The following SLC5A10 variants were observed in gnomAD, a reference collection of about 807,000 sequenced individuals.
SLC5A10 encodes solute carrier family 5 member 10.
A neutral mutation model predicts 68.9 loss-of-function variants in SLC5A10; 55 were observed. That is an observed-to-expected ratio of 0.80 (90% confidence interval 0.64 to 1.00). SLC5A10 has a LOEUF of 1.00. Ranked by LOEUF, SLC5A10 falls within the 50% of genes least tolerant of loss-of-function variation. SLC5A10 has a pLI of 0.00. For synonymous variants in SLC5A10, 344 were observed against 344.8 expected (o/e 1.00, Z 0.02); for missense variants, 732 against 819.3 (o/e 0.89, Z 1.30).
At chr17:18,997,666 C>G (rs2043601659) in intron 9 of SLC5A10, among the ~76,000 whole-genome samples, 1 of 152,208 alleles carries the variant, frequency 6.6e-6, no homozygotes, top group African/African-American at 2.4e-5. Flanking sequence ...GCTGAGGCTT[C>G]TAGGCCACCT....
chr17:18,999,822 G>A (rs1331283623), intron 9 of SLC5A10, among the ~76,000 whole-genome samples: 1 of 152,220 alleles, frequency 6.6e-6, no homozygotes, highest in Non-Finnish European at 1.5e-5. Context: ...CCTGGCCACC[G>A]GCGCCTCACC....
At chr17:19,012,470 T>C (rs939994890) in intron 9 of SLC5A10, among the ~76,000 whole-genome samples, 1 of 152,236 alleles carries the variant, frequency 6.6e-6, no homozygotes, top group African/African-American at 2.4e-5. Context: ...CTCTCAGGAC[T>C]CACCTGCCAC....
chr17:19,017,201 T>C lies in SLC5A10; in HGVS notation c.1241+2002T>C. On this transcript the variant is annotated intron_variant, in intron 11 of 14. Coordinates refer to ENST00000395645, the MANE Select transcript of SLC5A10 (RefSeq NM_001042450.4). This position sits in a 1 kb window ranked among gnomAD's most constrained non-coding sequence, Gnocchi z 5.6. ...GCTCACCCTCTCTGGGCCCCAGTTC[T>C]CTCAGCTGCCAGCTGGATAGAGCAG... 7.8e-7 allele frequency: 1 copy of C among 1,285,098 alleles called. No individual in the cohort carries two copies. Among genetic ancestry groups the C allele is most frequent in the Non-Finnish European group, 1.1e-6 (1 of 912,376 alleles). 79.6% of individuals were successfully genotyped at this position (1,285,098 alleles called of 1,614,324 possible).
At chr17:18,965,740 T>A (rs2042696493) in intron 5 of SLC5A10, among the ~76,000 whole-genome samples, 1 of 152,210 alleles carries the variant, frequency 6.6e-6, no homozygotes, top group Non-Finnish European at 1.5e-5. Context: ...GGTGGCTACA[T>A]GGTGCCAGGA....
At chr17:18,967,635 G>A (rs1295678223) in intron 5 of SLC5A10, among the ~76,000 whole-genome samples, 7 of 152,244 alleles carry the variant, frequency 4.6e-5, no homozygotes, top group Admixed American at 3.3e-4. Context: ...CTGTAGGACA[G>A]AAGCTTGCAG....
chr17:18,977,426 TC>T, intron 9 of SLC5A10: 1 of 751,550 alleles, frequency 1.3e-6, no homozygotes, highest in Non-Finnish European at 2.1e-6. Flanking sequence ...CCTGGCCGGT[TC>T]CCACCCCTGC....
Position 18,971,485 on chromosome 17 carries a change from G to A in SLC5A10, c.846+267G>A, listed in dbSNP as rs1197609375. ...ACAGTTTGGAGTATGGGATTCCGAA[G>A]GGACTCGGATGCTCCTCGGTGGCCC... On this transcript the variant is annotated intron_variant, in intron 8 of 14. Transcript: ENST00000395645. This position sits in a 1 kb window ranked among gnomAD's most constrained non-coding sequence, Gnocchi z 5.5. 6.2e-7 allele frequency: 1 copy of A among 1,614,070 alleles called. No individual in the cohort carries two copies. Among genetic ancestry groups the A allele is most frequent in the South Asian group, 1.1e-5 (1 of 91,082 alleles).
Position 18,953,185 on chromosome 17 carries a change from G to C in SLC5A10, c.111+869G>C, listed in dbSNP as rs1196728105. Among the ~76,000 whole-genome samples the C allele has an allele frequency of 3.3e-5, 5 of 149,838 alleles. No individual in the cohort carries two copies. The Admixed American group carries it at 3.4e-4, about 10-fold the overall frequency. The stretch of plus-strand genomic sequence containing the variant: ...GAGTCTAGCACTGTCACCTGGGCTG[G>C]AGTGCAGTGGCACTATCTCGGCTCA... On this transcript the variant is annotated intron_variant, in intron 1 of 14. Coordinates refer to ENST00000395645, the MANE Select transcript of SLC5A10 (RefSeq NM_001042450.4).
At chr17:18,987,737 G>A (rs1257507368) in intron 9 of SLC5A10, among the ~76,000 whole-genome samples, 2 of 152,168 alleles carry the variant, frequency 1.3e-5, no homozygotes, top group South Asian at 2.1e-4. Flanking sequence ...TGCAGCCATC[G>A]CAGAAGCCTT....
chr17:18,978,916 A>G, intron 9 of SLC5A10: 5 of 1,564,130 alleles, frequency 3.2e-6, no homozygotes, highest in Non-Finnish European at 4.3e-6. Context: ...GCCCCCGTGC[A>G]CCCATAGCCG....
At chr17:19,016,133 C>T (rs1049503662) in intron 11 of SLC5A10, among the ~76,000 whole-genome samples, 1 of 151,980 alleles carries the variant, frequency 6.6e-6, no homozygotes, top group African/African-American at 2.4e-5. Context: ...GCGACCTCCA[C>T]CTCCCGGGTT....
chr17:19,002,938 A>T (rs991034473), intron 9 of SLC5A10, among the ~76,000 whole-genome samples: 8 of 152,168 alleles, frequency 5.3e-5, no homozygotes, highest in African/African-American at 1.9e-4. Flanking sequence ...CCCTCACCCA[A>T]GCATCCTGGC....
intron 9 of SLC5A10, chr17:18,979,680 T>C: frequency 6.2e-7 from 1 of 1,612,948 alleles, no homozygotes; most frequent in Non-Finnish European, 8.5e-7. Flanking sequence ...GATTCTGTTT[T>C]GGGAACCAAG....
chr17:18,971,207 T>A lies in SLC5A10; in HGVS notation c.835T>A (p.Cys279Ser), dbSNP rs775117637. The change falls in exon 8 of 15, where the codon TGC (cysteine) becomes AGC (serine). Residue 279 changes from cysteine to serine, a missense_variant. Coordinates refer to ENST00000395645, the MANE Select transcript of SLC5A10 (RefSeq NM_001042450.4). The surrounding 1 kb of genome is among the most constrained non-coding windows in gnomAD (Gnocchi z 5.5). ...GLTIMATWYW[C>S]TDQVIVQRSL... ...GACCATCATGGCCACCTGGTACTGGTGCACCGACCAGGTGAGTGCCAACGT... is the reference window on the plus strand; with the variant it reads ...GACCATCATGGCCACCTGGTACTGGAGCACCGACCAGGTGAGTGCCAACGT... The A allele has an allele frequency of 1.2e-6, 2 of 1,613,788 alleles. No individual in the cohort carries two copies. The highest frequency in any genetic ancestry group is 2.7e-5 in the African/African-American group (2 of 74,932).
intron 9 of SLC5A10, among the ~76,000 whole-genome samples, chr17:19,012,315 A>T (rs531199606): frequency 1.3e-4 from 20 of 152,288 alleles, no homozygotes; most frequent in African/African-American, 4.8e-4. Context: ...GCCCCCACAC[A>T]GGGCAGGAGG....
intron 9 of SLC5A10, chr17:18,978,802 C>T: frequency 2.5e-6 from 4 of 1,612,976 alleles, no homozygotes; most frequent in African/African-American, 2.7e-5. Flanking sequence ...CCTGGCCAGA[C>T]AGCACAGAGA....
chr17:19,014,992 G>T, intron 10 of SLC5A10, 57 bp from the exon 11 acceptor site: 1 of 1,575,190 alleles, frequency 6.3e-7, no homozygotes. Context: ...AGGCGGGAGG[G>T]GTTCCCGGGG....
intron 4 of SLC5A10, 149 bp downstream of exon 4, chr17:18,959,812 A>C (rs1191478003): frequency 9.0e-6 from 6 of 670,380 alleles, no homozygotes; most frequent in African/African-American, 2.6e-5. Context: ...ATTTCTATCA[A>C]CCTGCTAAGG....
chr17:18,980,831 G>A (rs1299156521), intron 9 of SLC5A10, among the ~76,000 whole-genome samples: 1 of 152,152 alleles, frequency 6.6e-6, no homozygotes, highest in African/African-American at 2.4e-5. Context: ...TGACTCAGGA[G>A]GCCTGAGGTC....
Sources: allele counts gnomAD v4.1 joint callset (sites outside exome capture counted in the v4.1 genomes callset), GRCh38; gene constraint gnomAD v4.1.1; non-coding constraint Gnocchi (gnomAD v3.1); transcripts MANE v1.5; gene names NCBI Gene and HGNC (gene_info 2026-07-23, HGNC 2026-07-21).